Variants in ZMYM2 observed in about 807,000 individuals in gnomAD.
ZMYM2 encodes zinc finger MYM-type containing 2.
A neutral mutation model predicts 162.8 loss-of-function variants in ZMYM2; 56 were observed. The ratio of observed to expected loss-of-function variants is 0.34; its 90% CI spans 0.28 to 0.43. ZMYM2 has a LOEUF of 0.43. Ranked by LOEUF, ZMYM2 falls within the 20% of genes least tolerant of loss-of-function variation. The probability of loss-of-function intolerance (pLI) is 1.00; values close to 1 mark genes in which losing one functional copy is unlikely to be tolerated. For missense variants in ZMYM2, 1,275 were observed against 1,621.8 expected (o/e 0.79, Z 3.67); for synonymous variants, 510 against 541.6 (o/e 0.94, Z 0.81).
At chr13:19,930,619 C>T in the ZMYM2 span, among the ~76,000 whole-genome samples, 2 of 150,792 alleles carry the variant, frequency 1.3e-5, no homozygotes, top group East Asian at 4.2e-4. Context: ...CTCACTGCAG[C>T]CTCTGCCTCC....
chr13:19,884,530 G>A, the ZMYM2 span, among the ~76,000 whole-genome samples: 1 of 151,788 alleles, frequency 6.6e-6, no homozygotes, highest in African/African-American at 2.4e-5. Flanking sequence ...CCAAGATCGC[G>A]CCACTGCACT....
At chr13:19,875,132 C>A in the ZMYM2 span, among the ~76,000 whole-genome samples, 5 of 152,274 alleles carry the variant, frequency 3.3e-5, no homozygotes, top group Admixed American at 3.3e-4. Flanking sequence ...CTCATCACAG[C>A]AAAGTTATCA....
chr13:19,865,482 C>A, the ZMYM2 span, among the ~76,000 whole-genome samples: 1 of 152,116 alleles, frequency 6.6e-6, no homozygotes, highest in Non-Finnish European at 1.5e-5. Context: ...TCCTCAGTTA[C>A]TCTTTGGAAA....
At chr13:19,911,284 C>G in the ZMYM2 span, among the ~76,000 whole-genome samples, 6 of 152,142 alleles carry the variant, frequency 3.9e-5, no homozygotes, top group Admixed American at 2.0e-4. Flanking sequence ...GTCTGGAACT[C>G]CTGACCTCAA....
the ZMYM2 span, among the ~76,000 whole-genome samples, chr13:19,949,782 G>A: frequency 1.3e-5 from 2 of 151,552 alleles, no homozygotes; most frequent in Non-Finnish European, 2.9e-5. Context: ...AGCTACTTGG[G>A]AGGCTGAGGC....
chr13:19,864,550 T>G, the ZMYM2 span: 11 of 153,610 alleles, frequency 7.2e-5, no homozygotes, highest in Admixed American at 7.2e-4. Context: ...AGCTGCAGGC[T>G]CCCTTGGAGC....
intron 12 of ZMYM2, among the ~76,000 whole-genome samples, chr13:20,041,530 G>A (rs934463152): frequency 2.6e-5 from 4 of 152,158 alleles, no homozygotes; most frequent in Admixed American, 6.5e-5. Flanking sequence ...TTTAATTGGG[G>A]CATTTAGCCT....
intron 11 of ZMYM2, among the ~76,000 whole-genome samples, chr13:20,035,720 G>A (rs2140357354): frequency 6.6e-6 from 1 of 152,248 alleles, no homozygotes; most frequent in South Asian, 2.1e-4. Flanking sequence ...TGTTGAAAAA[G>A]AATGTGTGGG....
chr13:19,929,971 T>C, the ZMYM2 span, among the ~76,000 whole-genome samples: 6 of 152,212 alleles, frequency 3.9e-5, no homozygotes, highest in Non-Finnish European at 7.3e-5. Context: ...GGCATAAAGC[T>C]TTTAAAGTCT....
At chr13:20,082,737 T>G in intron 22 of ZMYM2, 44 bp from the exon 23 acceptor site, 1 of 1,438,856 alleles carries the variant, frequency 6.9e-7, no homozygotes, top group African/African-American at 1.4e-5. Context: ...AAATGAAAAC[T>G]TTTATTTATT....
intron 21 of ZMYM2, among the ~76,000 whole-genome samples, chr13:20,072,759 GTTTC>G (rs148115615): frequency 0.013 from 1,970 of 152,040 alleles, 35 homozygotes; most frequent in African/African-American, 0.043. Context: ...TAGATTTCCT[GTTTC>G]TTCTTGTACC....
chr13:19,897,305 C>T, the ZMYM2 span, among the ~76,000 whole-genome samples: 1 of 152,070 alleles, frequency 6.6e-6, no homozygotes, highest in Non-Finnish European at 1.5e-5. Context: ...ATTAAAGTCC[C>T]TAGTCTTTAA....
In ZMYM2 at chr13:20,062,895, T is replaced by G; in HGVS notation, c.2961T>G (p.Ser987=). 1 of 1,597,848 alleles carries G rather than the reference T, an allele frequency of 6.3e-7. No individual in the cohort carries two copies. The highest frequency in any genetic ancestry group is 1.1e-5 in the South Asian group (1 of 88,710). ...TTGGTTCAGACCTTTTGAAGAACTC[T>G]GACCCAGAGACACAGTCCAGCATGC... ...DIIGSDLLKN[S]DPETQSSMPD... is the part of the protein sequence containing the mutation. The change falls in exon 18 of 25, where the codon TCT becomes TCG. Residue 987 remains serine (S), a synonymous_variant. Transcript: ENST00000610343.
the ZMYM2 span, among the ~76,000 whole-genome samples, chr13:19,917,290 T>C: frequency 2.6e-5 from 4 of 151,928 alleles, no homozygotes; most frequent in South Asian, 8.3e-4. Context: ...ACAGGTGTCA[T>C]AGAAGTTAGC....
At chr13:20,019,998 C>A in intron 7 of ZMYM2, 1 of 167,100 alleles carries the variant, frequency 6.0e-6, no homozygotes. Context: ...AGTCTGTGTT[C>A]CTGTTAATCC....
chr13:19,926,101 C>A, the ZMYM2 span, among the ~76,000 whole-genome samples: 1 of 151,316 alleles, frequency 6.6e-6, no homozygotes. Context: ...GCTGGGATTA[C>A]AGGTGCCCGT....
Position 19,993,717 on chromosome 13 carries a change from A to G in ZMYM2, c.645A>G (p.Thr215=), listed in dbSNP as rs1467546775. The G allele has an allele frequency of 1.9e-6, 3 of 1,614,052 alleles. No individual in the cohort carries two copies. The highest frequency in any genetic ancestry group is 2.5e-6 in the Non-Finnish European group (3 of 1,179,898). The stretch of plus-strand genomic sequence containing the variant: ...GGCGAGATATGAACTTAATGATTAC[A>G]CATGTAACATCACTGCAGAATACCA... The part of the protein sequence containing the change: ...TDGRDMNLMI[T]HVTSLQNTNL... The change falls in exon 3 of 25, where the codon ACA becomes ACG. Residue 215 remains threonine (T), a synonymous_variant. Transcript: ENST00000610343.
At chr13:19,980,172 G>C (rs1241009152) in intron 2 of ZMYM2, among the ~76,000 whole-genome samples, 4 of 151,710 alleles carry the variant, frequency 2.6e-5, no homozygotes, top group Non-Finnish European at 5.9e-5. Flanking sequence ...ATGAGGGGTA[G>C]GTGGCTCCCC....
chr13:19,869,435 A>G, the ZMYM2 span, among the ~76,000 whole-genome samples: 2 of 152,176 alleles, frequency 1.3e-5, no homozygotes, highest in Non-Finnish European at 2.9e-5. Context: ...ATGTATGTAA[A>G]TAGGTATTTT....
Sources: allele counts gnomAD v4.1 joint callset (sites outside exome capture counted in the v4.1 genomes callset), GRCh38; gene constraint gnomAD v4.1.1; transcripts MANE v1.5; gene names NCBI Gene and HGNC (gene_info 2026-07-23, HGNC 2026-07-21).